The following HERC3 variants were observed in gnomAD, a reference collection of about 807,000 sequenced individuals.
HERC3 encodes the protein HECT and RLD domain containing E3 ubiquitin protein ligase 3, also known as probable E3 ubiquitin-protein ligase HERC3.
In HERC3, 58 loss-of-function variants were observed where a neutral mutation model predicts 129.9. The observed-to-expected ratio is 0.45, with a 90% confidence interval of 0.36 to 0.56. The LOEUF (loss-of-function observed/expected upper bound fraction) is 0.56. Among genes scored for constraint, HERC3 ranks in the 20% least tolerant of loss-of-function variants. The probability of loss-of-function intolerance (pLI) is 0.00; values close to 1 mark genes in which losing one functional copy is unlikely to be tolerated. For synonymous variants in HERC3, 430 were observed against 451.0 expected (o/e 0.95, Z 0.59); for missense variants, 835 against 1,244.2 (o/e 0.67, Z 4.95).
intron 3 of HERC3, among the ~76,000 whole-genome samples, chr4:88,627,763 G>T (rs1726274841): frequency 8.9e-6 from 1 of 112,660 alleles, no homozygotes; most frequent in Non-Finnish European, 2.1e-5. Flanking sequence ...AAGTAGGCAG[G>T]TATGGTGGTG....
intron 3 of HERC3, among the ~76,000 whole-genome samples, chr4:88,620,736 C>T (rs1725423430): frequency 6.6e-6 from 1 of 152,154 alleles, no homozygotes. Context: ...TGGCTCTTCC[C>T]TGGCATACTC....
chr4:88,654,071 T>C lies in HERC3; in HGVS notation c.715T>C (p.Leu239=). The C allele has an allele frequency of 6.2e-7, 1 of 1,613,130 alleles. No individual in the cohort carries two copies. The highest frequency in any genetic ancestry group is 8.5e-7 in the Non-Finnish European group (1 of 1,179,326). The change falls in exon 7 of 26, where the codon TTA becomes CTA. Residue 239 remains leucine (L), a synonymous_variant. Coordinates refer to ENST00000402738, the MANE Select transcript of HERC3 (RefSeq NM_014606.3). ...AGAATCTCCATGCCATGTAAAACTCTTACGCACGCAAAAAGTTGTCTATAT... is the reference window on the plus strand; with the variant it reads ...AGAATCTCCATGCCATGTAAAACTCCTACGCACGCAAAAAGTTGTCTATAT... ...DRESPCHVKL[L]RTQKVVYISC...
chr4:88,606,852 C>CAT (rs1723704213), intron 3 of HERC3, among the ~76,000 whole-genome samples: 1 of 152,320 alleles, frequency 6.6e-6, no homozygotes, highest in South Asian at 2.1e-4. Flanking sequence ...ACAGCCAAAT[C>CAT]ATATCATCCA....
the HERC3 span, among the ~76,000 whole-genome samples, chr4:88,581,334 C>G: frequency 6.6e-6 from 1 of 151,236 alleles, no homozygotes; most frequent in African/African-American, 2.4e-5. Flanking sequence ...GAGTTTCGCT[C>G]TTGTTGCCCA....
At chr4:88,571,582 AT>A in the HERC3 span, among the ~76,000 whole-genome samples, 5 of 152,170 alleles carry the variant, frequency 3.3e-5, no homozygotes, top group Non-Finnish European at 7.4e-5. Context: ...AGGTATATCT[AT>A]TCATAGTCTT....
Position 88,655,787 on chromosome 4 carries a change from G to C in HERC3, c.909-88G>C, listed in dbSNP as rs1365757352. The C allele has an allele frequency of 5.2e-6, 7 of 1,334,680 alleles. No individual in the cohort carries two copies. In the East Asian group the frequency reaches 1.6e-4, roughly 31 times the overall value. 82.7% of individuals were successfully genotyped at this position (1,334,680 alleles called of 1,614,324 possible). Reference sequence around the variant, plus strand: ...AGGCTCTATAGGAGCACCCTGTGCTGTGCACATGTGGAAGTTAAAAGTCAG... The same window carrying C: ...AGGCTCTATAGGAGCACCCTGTGCTCTGCACATGTGGAAGTTAAAAGTCAG... On this transcript the variant is annotated intron_variant, in intron 8 of 25. Coordinates refer to ENST00000402738, the MANE Select transcript of HERC3 (RefSeq NM_014606.3).
the HERC3 span, among the ~76,000 whole-genome samples, chr4:88,551,328 C>A: frequency 6.7e-6 from 1 of 148,606 alleles, no homozygotes; most frequent in Non-Finnish European, 1.5e-5. Flanking sequence ...AAAGAAACTA[C>A]CATCAGAGTG....
chr4:88,571,054 G>T, the HERC3 span, among the ~76,000 whole-genome samples: 1 of 151,924 alleles, frequency 6.6e-6, no homozygotes. Flanking sequence ...CACCGTGCCC[G>T]GCCTCCTATT....
chr4:88,557,333 CAAT>C, the HERC3 span, among the ~76,000 whole-genome samples: 2 of 152,272 alleles, frequency 1.3e-5, no homozygotes, highest in African/African-American at 4.8e-5. Context: ...AGCATGGACT[CAAT>C]AAGTAGTCAT....
At position 88,636,765 on chromosome 4, in the gene HERC3, A is replaced by G. The variant is rs573572731; in HGVS notation, c.227-13075A>G. Among the ~76,000 whole-genome samples the G allele has an allele frequency of 1.5e-3, 225 of 152,352 alleles. 2 individuals carry two copies. The South Asian group carries it at 0.018, about 12-fold the overall frequency. ...AAGTAAAACACACCTCAGCAAATGC[A>G]AAATAACTGAAACTGTAACAGTCTC... On this transcript the variant is annotated intron_variant, in intron 3 of 25. Transcript: ENST00000402738.
chr4:88,572,937 A>G, the HERC3 span, among the ~76,000 whole-genome samples: 2 of 152,194 alleles, frequency 1.3e-5, no homozygotes, highest in Admixed American at 6.5e-5. Context: ...TGGTTAACAG[A>G]TTCTCTTATC....
At chr4:88,564,481 G>A in the HERC3 span, among the ~76,000 whole-genome samples, 3 of 152,092 alleles carry the variant, frequency 2.0e-5, no homozygotes, top group Admixed American at 6.5e-5. Context: ...TTCACGTTTT[G>A]GATTTCTTCA....
In HERC3 at chr4:88,605,983, G is replaced by A; in HGVS notation, c.160G>A (p.Glu54Lys). ...CTCTGTGTTCCTGCTGGAAGATGGG[G>A]AAGTTTACACATGTGGTTTGAACAC... ...NHSVFLLEDG[E>K]VYTCGLNTKG... Residue 54 changes from glutamate to lysine, a missense_variant, in exon 3 of 26, where the codon GAA becomes AAA. Physicochemically the swap from Glu to Lys is moderately conservative, Grantham distance 56. Coordinates refer to ENST00000402738, the MANE Select transcript of HERC3 (RefSeq NM_014606.3). 6.2e-7 allele frequency: 1 copy of A among 1,614,162 alleles called. No individual in the cohort carries two copies. The highest frequency in any genetic ancestry group is 8.5e-7 in the Non-Finnish European group (1 of 1,180,024).
At chr4:88,662,293 T>G in intron 10 of HERC3, 138 bp from the exon 11 acceptor site, 1 of 769,766 alleles carries the variant, frequency 1.3e-6, no homozygotes, top group South Asian at 2.0e-5. Context: ...TTCTGAAGGG[T>G]GGAGGGGATC....
chr4:88,704,127 A>G lies in HERC3; in HGVS notation c.2687A>G (p.Tyr896Cys). 6.2e-7 allele frequency: 1 copy of G among 1,614,030 alleles called. No homozygotes were observed. The highest frequency in any genetic ancestry group is 8.5e-7 in the Non-Finnish European group (1 of 1,179,976). ...RQEFVDAYVN[Y>C]VFQISVHEWY... Reference sequence around the variant, plus strand: ...GAATTTGTGGATGCTTATGTGAATTATGTCTTCCAAATCTCAGTTCATGAA... The same window carrying G: ...GAATTTGTGGATGCTTATGTGAATTGTGTCTTCCAAATCTCAGTTCATGAA... Residue 896 changes from tyrosine (Y) to cysteine (C), a missense_variant, in exon 24 of 26, where the codon TAT (tyrosine) becomes TGT (cysteine). Physicochemically the swap from Tyr to Cys is radical, Grantham distance 194. Transcript: ENST00000402738.
At chr4:88,703,003 G>A (rs1735461693) in intron 23 of HERC3, among the ~76,000 whole-genome samples, 1 of 152,212 alleles carries the variant, frequency 6.6e-6, no homozygotes, top group Admixed American at 6.5e-5. Flanking sequence ...CCTGCTATAA[G>A]TCAGACTTGC....
intron 3 of HERC3, among the ~76,000 whole-genome samples, chr4:88,623,693 A>G (rs1725788131): frequency 1.3e-5 from 2 of 152,208 alleles, no homozygotes; most frequent in Non-Finnish European, 1.5e-5. Flanking sequence ...TGGGTGCAGA[A>G]CCACATGTTA....
At chr4:88,558,730 G>T in the HERC3 span, among the ~76,000 whole-genome samples, 1 of 152,036 alleles carries the variant, frequency 6.6e-6, no homozygotes, top group Non-Finnish European at 1.5e-5. Context: ...TTGGGAGGCC[G>T]AGGCGGGCGG....
chr4:88,676,497 C>G, intron 18 of HERC3, 74 bp downstream of exon 18: 1 of 1,030,306 alleles, frequency 9.7e-7, no homozygotes, highest in South Asian at 1.4e-5. Flanking sequence ...GTAATTTTTT[C>G]TAGTAGGAGA....
Sources: gnomAD v4.1 joint callset for allele counts (sites outside exome capture counted in the v4.1 genomes callset) on GRCh38, gnomAD v4.1.1 for gene constraint, MANE v1.5 for transcripts, NCBI Gene and HGNC (gene_info 2026-07-23, HGNC 2026-07-21) for gene names.